Variants in STAU2 observed in about 807,000 individuals in gnomAD.
STAU2 encodes the protein staufen double-stranded RNA binding protein 2, also known as double-stranded RNA-binding protein Staufen homolog 2.
In STAU2, 20 loss-of-function variants were observed where a neutral mutation model predicts 65.9. The ratio of observed to expected loss-of-function variants is 0.30; its 90% confidence interval spans 0.21 to 0.44. The LOEUF (loss-of-function observed/expected upper bound fraction) is 0.44, where lower values mean the gene tolerates loss of function less well. Ranked by LOEUF, STAU2 falls within the 20% of genes least tolerant of loss-of-function variation. STAU2 has a pLI of 1.00. For missense variants in STAU2, 558 were observed against 683.9 expected (o/e 0.82, Z 2.05); for synonymous variants, 232 against 233.9 (o/e 0.99, Z 0.07).
intron 13 of STAU2, among the ~76,000 whole-genome samples, chr8:73,474,830 A>G (rs1820230114): frequency 6.6e-6 from 1 of 152,232 alleles, no homozygotes; most frequent in African/African-American, 2.4e-5. Context: ...CACGTTCACC[A>G]AAAGATAAAA....
chr8:73,495,877 T>C (rs1452873500), intron 13 of STAU2, among the ~76,000 whole-genome samples: 1 of 151,432 alleles, frequency 6.6e-6, no homozygotes, highest in Non-Finnish European at 1.5e-5. Flanking sequence ...ACCTCAAGTT[T>C]GTATGTTCTC....
Position 73,721,017 on chromosome 8 carries a change from C to T in STAU2, c.-17-11855G>A, listed in dbSNP as rs141112386. 5.3e-3 allele frequency among the ~76,000 whole-genome samples: 795 copies of T among 149,906 alleles called. 8 individuals are homozygous for T. The highest frequency in any genetic ancestry group is 9.9e-3 in the African/African-American group (402 of 40,732). ...TTTCATGGCCAGGCACCATGGCTCA[C>T]GCATGCAATCCTAGGAGTTTGGGAG... On this transcript the variant is annotated intron_variant, in intron 3 of 14. Coordinates refer to ENST00000524300, the MANE Select transcript of STAU2 (RefSeq NM_001164380.2).
At chr8:73,549,054 T>C (rs1214599566) in intron 13 of STAU2, among the ~76,000 whole-genome samples, 2 of 152,210 alleles carry the variant, frequency 1.3e-5, no homozygotes, top group Non-Finnish European at 2.9e-5. Flanking sequence ...GTCTTTTGCA[T>C]AATAAGTTTC....
At chr8:73,643,000 C>G (rs1815105160) in intron 6 of STAU2, among the ~76,000 whole-genome samples, 2 of 152,238 alleles carry the variant, frequency 1.3e-5, no homozygotes, top group East Asian at 3.9e-4. Flanking sequence ...CCATAGTTAC[C>G]TCTCTCATCT....
intron 14 of STAU2, among the ~76,000 whole-genome samples, chr8:73,422,225 G>A (rs749259586): frequency 2.0e-5 from 3 of 152,086 alleles, no homozygotes; most frequent in Admixed American, 6.6e-5. Context: ...TTTTCTCTCC[G>A]CTTTGCCCAC....
At chr8:73,717,658 GTTGTT>G (rs1222071743) in intron 3 of STAU2, among the ~76,000 whole-genome samples, 3 of 140,940 alleles carry the variant, frequency 2.1e-5, no homozygotes, top group Admixed American at 7.1e-5. Context: ...TGTTGTTGTT[GTTGTT>G]TTGAGACGGA....
intron 11 of STAU2, among the ~76,000 whole-genome samples, chr8:73,591,297 A>G (rs1170378279): frequency 1.3e-5 from 2 of 152,286 alleles, no homozygotes; most frequent in East Asian, 3.9e-4. Flanking sequence ...TAGAGGTCAA[A>G]AAAGAAAAAA....
At chr8:73,668,856 A>G (rs7841912) in intron 6 of STAU2, 418,179 of 466,042 alleles carry the variant, frequency 0.9, 188,490 homozygotes, top group East Asian at 0.97. Context: ...GCCTTTGAAT[A>G]AGTTCAAGTG....
chr8:73,498,611 T>G (rs954057792), intron 13 of STAU2, among the ~76,000 whole-genome samples: 2 of 151,780 alleles, frequency 1.3e-5, no homozygotes, highest in African/African-American at 4.8e-5. Context: ...GGCACTATGA[T>G]AGGCATGGCG....
intron 13 of STAU2, among the ~76,000 whole-genome samples, chr8:73,478,641 G>A (rs1820445258): frequency 6.6e-6 from 1 of 152,104 alleles, no homozygotes; most frequent in African/African-American, 2.4e-5. Context: ...TGTTTTACAA[G>A]GGCTGCCAAG....
rs1586057382 is a variant in STAU2 at position 73,583,267 on chromosome 8, TCCC to T, written c.1162-440_1162-438del. ...ATTCAAGGATTCTCCTGCCTCAGCCTCCCGAGTAGCTGGGATTAGAAGTGCCTG... is the reference window on the plus strand; with the variant it reads ...ATTCAAGGATTCTCCTGCCTCAGCCTGAGTAGCTGGGATTAGAAGTGCCTG... On this transcript the variant is annotated intron_variant, in intron 11 of 14. Coordinates refer to ENST00000524300, the MANE Select transcript of STAU2 (RefSeq NM_001164380.2). Among the ~76,000 whole-genome samples the T allele has an allele frequency of 2.0e-5, 3 of 151,840 alleles. No homozygotes were observed. In the East Asian group the frequency reaches 5.8e-4, roughly 29 times the overall value.
chr8:73,627,205 C>T (rs1355788003), intron 6 of STAU2, among the ~76,000 whole-genome samples: 1 of 3,996 alleles, frequency 2.5e-4, no homozygotes, highest in Admixed American at 3.1e-3. Context: ...TGCAGGAATA[C>T]GGCGGGGGGG....
chr8:73,649,157 T>C (rs1437475389), intron 6 of STAU2, among the ~76,000 whole-genome samples: 1 of 152,202 alleles, frequency 6.6e-6, no homozygotes, highest in Non-Finnish European at 1.5e-5. Context: ...GAAAGAGTAG[T>C]TCAATGGTGT....
At chr8:73,658,104 C>T (rs1816520930) in intron 6 of STAU2, among the ~76,000 whole-genome samples, 1 of 152,080 alleles carries the variant, frequency 6.6e-6, no homozygotes, top group Non-Finnish European at 1.5e-5. Flanking sequence ...TGGCTCACGC[C>T]TGTAATCCCA....
chr8:73,597,669 CAAAAA>C (rs34461371), intron 10 of STAU2, among the ~76,000 whole-genome samples: 9 of 55,874 alleles, frequency 1.6e-4, no homozygotes, highest in African/African-American at 3.5e-4. Flanking sequence ...GTCTCTGTCT[CAAAAA>C]AAAAAAAAAA....
chr8:73,444,759 G>A (rs961519775), intron 13 of STAU2, among the ~76,000 whole-genome samples: 1 of 152,214 alleles, frequency 6.6e-6, no homozygotes, highest in African/African-American at 2.4e-5. Context: ...GCCCAGCACA[G>A]TGACCTGGTG....
At chr8:73,569,661 G>A (rs921423653) in intron 12 of STAU2, among the ~76,000 whole-genome samples, 1 of 152,162 alleles carries the variant, frequency 6.6e-6, no homozygotes, top group Non-Finnish European at 1.5e-5. Context: ...AATATTTGCT[G>A]TTCTGCAGCC....
At chr8:73,570,922 T>G (rs1809031453) in intron 12 of STAU2, among the ~76,000 whole-genome samples, 1 of 152,158 alleles carries the variant, frequency 6.6e-6, no homozygotes. Context: ...GTAAATGGGC[T>G]AAATGCTCCA....
intron 12 of STAU2, among the ~76,000 whole-genome samples, chr8:73,566,834 AG>A (rs1378218806): frequency 6.6e-6 from 1 of 152,218 alleles, no homozygotes; most frequent in Non-Finnish European, 1.5e-5. Context: ...TCTGTCTTTC[AG>A]ACAGACTGCA....
Sources: allele counts gnomAD v4.1 joint callset (sites outside exome capture counted in the v4.1 genomes callset), GRCh38; gene constraint gnomAD v4.1.1; transcripts MANE v1.5; gene names NCBI Gene and HGNC (gene_info 2026-07-23, HGNC 2026-07-21).